Variants in FUT9 observed in about 807,000 individuals in gnomAD.
The protein encoded by FUT9 is 4-galactosyl-N-acetylglucosaminide 3-alpha-L-fucosyltransferase 9.
A neutral mutation model predicts 29.7 loss-of-function variants in FUT9; 15 were observed. The ratio of observed to expected loss-of-function variants is 0.51; its 90% CI spans 0.34 to 0.78. The LOEUF (loss-of-function observed/expected upper bound fraction) is 0.78. Ranked by LOEUF, FUT9 falls within the 30% of genes least tolerant of loss-of-function variation. The pLI, the probability that FUT9 is intolerant of heterozygous loss-of-function variation, is 0.01. For synonymous variants in FUT9, 169 were observed against 153.7 expected (o/e 1.10, Z -0.74); for missense variants, 319 against 425.4 (o/e 0.75, Z 2.20).
At chr6:96,129,136 G>A (rs1772189061) in intron 2 of FUT9, among the ~76,000 whole-genome samples, 1 of 151,606 alleles carries the variant, frequency 6.6e-6, no homozygotes, top group Non-Finnish European at 1.5e-5. Context: ...GTGGTGGCGG[G>A]CGCCTGTAGT....
At chr6:96,091,479 C>G (rs1277054028) in intron 1 of FUT9, among the ~76,000 whole-genome samples, 1 of 152,000 alleles carries the variant, frequency 6.6e-6, no homozygotes, top group Admixed American at 6.6e-5. Flanking sequence ...ATCTTAGACA[C>G]AAGTGAAAAT....
chr6:96,037,829 A>G lies in FUT9; in HGVS notation c.-98+21617A>G, dbSNP rs142487671. The stretch of plus-strand genomic sequence containing the variant: ...GGCACAAGCACAAGTTCTTAAAATA[A>G]TTACTGCAGTGATGAGTGAGGTGAA... On this transcript the variant is annotated intron_variant, in intron 1 of 2. Coordinates refer to ENST00000302103, the MANE Select transcript of FUT9 (RefSeq NM_006581.4). Among the ~76,000 whole-genome samples, 470 of 152,268 alleles carry G rather than the reference A, an allele frequency of 3.1e-3. 5 individuals carry two copies. The highest frequency in any genetic ancestry group is 1.4e-3 in the East Asian group (7 of 5,174).
intron 2 of FUT9, among the ~76,000 whole-genome samples, chr6:96,146,430 T>C (rs1386998459): frequency 6.6e-6 from 1 of 152,132 alleles, no homozygotes; most frequent in Non-Finnish European, 1.5e-5. Flanking sequence ...AATTTAAACA[T>C]AAAAATAAAA....
chr6:96,147,897 G>GA (rs541956253), intron 2 of FUT9, among the ~76,000 whole-genome samples: 144 of 150,196 alleles, frequency 9.6e-4, no homozygotes, highest in African/African-American at 3.4e-3. Flanking sequence ...TAATATTTCA[G>GA]AAAAAAAAGT....
At chr6:96,199,499 C>T (rs1467098441) in intron 2 of FUT9, among the ~76,000 whole-genome samples, 2 of 152,112 alleles carry the variant, frequency 1.3e-5, no homozygotes, top group African/African-American at 4.8e-5. Context: ...GGAAACCACA[C>T]AGTAGAAGAA....
In FUT9 at chr6:96,190,287, G is replaced by T. The variant is rs137881325; in HGVS notation, c.-8-12861G>T. On this transcript the variant is annotated intron_variant, in intron 2 of 2. Coordinates refer to ENST00000302103, the MANE Select transcript of FUT9 (RefSeq NM_006581.4). ...CTGCCAAGAGATCAGCTGTTAGTCA[G>T]ATCGGCTTCCTTTTGTGGGTAACCC... Among the ~76,000 whole-genome samples the T allele has an allele frequency of 1.6e-4, 25 of 152,272 alleles. No homozygotes were observed. In the East Asian group the frequency reaches 3.7e-3, roughly 22 times the overall value.
intron 2 of FUT9, among the ~76,000 whole-genome samples, chr6:96,120,416 G>A (rs1250544843): frequency 2.0e-5 from 3 of 149,984 alleles, no homozygotes; most frequent in South Asian, 2.1e-4. Context: ...GACTACAGGC[G>A]TCCGCCACCA....
chr6:96,080,990 C>G (rs1332229690), intron 1 of FUT9, among the ~76,000 whole-genome samples: 1 of 151,886 alleles, frequency 6.6e-6, no homozygotes, highest in Non-Finnish European at 1.5e-5. Flanking sequence ...TCATTATGCA[C>G]ATGCAACACA....
At chr6:96,069,551 T>A (rs1257413914) in intron 1 of FUT9, among the ~76,000 whole-genome samples, 5 of 152,086 alleles carry the variant, frequency 3.3e-5, no homozygotes, top group Non-Finnish European at 7.4e-5. Context: ...GAGAAGTGAA[T>A]AATTTTTGGT....
chr6:96,112,142 C>A (rs1329750561), intron 1 of FUT9, among the ~76,000 whole-genome samples: 1 of 152,172 alleles, frequency 6.6e-6, no homozygotes, highest in Non-Finnish European at 1.5e-5. Flanking sequence ...AAAGAGGAGA[C>A]ACTTTGAAGT....
chr6:96,077,555 G>T (rs965764089), intron 1 of FUT9, among the ~76,000 whole-genome samples: 13 of 152,052 alleles, frequency 8.5e-5, no homozygotes, highest in Admixed American at 8.5e-4. Flanking sequence ...AAAATCTCCT[G>T]CTGGAGCTCT....
chr6:96,066,893 T>TC (rs35043267), intron 1 of FUT9, among the ~76,000 whole-genome samples: 84,223 of 151,586 alleles, frequency 0.56, 23,506 homozygotes, highest in South Asian at 0.64. Context: ...ACACTCAATT[T>TC]TTTCAGTTGT....
intron 2 of FUT9, among the ~76,000 whole-genome samples, chr6:96,198,169 A>G (rs1773661189): frequency 1.3e-5 from 2 of 151,858 alleles, no homozygotes; most frequent in East Asian, 3.9e-4. Context: ...CACAATGTGC[A>G]GGTTAGTTAC....
chr6:96,016,834 G>A (rs1028879257), intron 1 of FUT9, among the ~76,000 whole-genome samples: 1 of 152,172 alleles, frequency 6.6e-6, no homozygotes. Flanking sequence ...CAGTTACTTT[G>A]TGTGTTACTC....
chr6:96,141,097 T>C (rs187074396), intron 2 of FUT9, among the ~76,000 whole-genome samples: 66 of 152,342 alleles, frequency 4.3e-4, no homozygotes, highest in African/African-American at 1.4e-3. Flanking sequence ...TAATGAGATT[T>C]TTGAAATTAT....
chr6:96,211,713 A>G lies in FUT9; in HGVS notation c.*7478A>G, dbSNP rs4475334. ...AAGTGTACAAATTTAAAGCTGTACT[A>G]TGTTAGAATAAAAAAGTAGGCTCAA... On this transcript the variant is annotated 3_prime_UTR_variant, in exon 3 of 3. Coordinates refer to ENST00000302103, the MANE Select transcript of FUT9 (RefSeq NM_006581.4). 159,227 of 172,628 alleles carry G rather than the reference A, an allele frequency of 0.92. 74,861 individuals are homozygous for G. The highest frequency in any genetic ancestry group is 1 in the Non-Finnish European group (71,942 of 72,078). The allele number at this position is 172,628 out of a possible 1,614,324, so 10.7% of individuals were successfully genotyped here. A position where few individuals can be genotyped will look rare whatever the true frequency, so the allele number is the denominator to read the frequency against.
At chr6:96,163,520 T>G (rs1772952368) in intron 2 of FUT9, among the ~76,000 whole-genome samples, 1 of 152,162 alleles carries the variant, frequency 6.6e-6, no homozygotes. Context: ...GACTGCTAAG[T>G]GTTCAAACTG....
At chr6:96,102,866 T>C (rs555048073) in intron 1 of FUT9, among the ~76,000 whole-genome samples, 5 of 152,204 alleles carry the variant, frequency 3.3e-5, no homozygotes, top group Admixed American at 6.5e-5. Flanking sequence ...CTTAGTTTCC[T>C]CTCATGCATC....
chr6:96,053,309 C>T (rs12192733), intron 1 of FUT9, among the ~76,000 whole-genome samples: 18,015 of 152,070 alleles, frequency 0.12, 1,343 homozygotes, highest in Non-Finnish European at 0.17. Flanking sequence ...ATCCAAAATA[C>T]TATTAGAACT....
Sources: gnomAD v4.1 joint callset for allele counts (sites outside exome capture counted in the v4.1 genomes callset) on GRCh38, gnomAD v4.1.1 for gene constraint, MANE v1.5 for transcripts, NCBI Gene and HGNC (gene_info 2026-07-23, HGNC 2026-07-21) for gene names.